Variants in PLXNA1 observed in about 807,000 individuals in gnomAD.
PLXNA1 encodes the protein plexin-A1.
PLXNA1 carries 77 observed loss-of-function variants against 191.7 expected under a neutral mutation model. The observed-to-expected ratio is 0.40, with a 90% CI of 0.33 to 0.49. The LOEUF is 0.49. Among genes scored for constraint, PLXNA1 ranks in the 20% least tolerant of loss-of-function variants. The pLI is 0.63. For missense variants in PLXNA1, 2,110 were observed against 2,660.2 expected (o/e 0.79, Z 4.55); for synonymous variants, 1,137 against 1,156.4 (o/e 0.98, Z 0.34).
Position 127,028,282 on chromosome 3 carries a change from C to T in PLXNA1, c.4611C>T (p.Asp1537=), listed in dbSNP as rs766277718. The change falls in exon 25 of 32, where the codon GAC becomes GAT. Residue 1537 remains aspartate, a synonymous_variant. Transcript: ENST00000393409. ...CCCAGGCCAAGGAGAAGCTGCTGGA[C>T]GCTGCCTACAAGGGCGTGCCCTACT... ...TVTQAKEKLL[D]AAYKGVPYSQ... is the part of the protein sequence containing the mutation. 18 of 1,612,818 alleles carry T rather than the reference C, an allele frequency of 1.1e-5. No homozygotes were observed. In the East Asian group the frequency reaches 2.9e-4, roughly 26 times the overall value.
intron 29 of PLXNA1, among the ~76,000 whole-genome samples, chr3:127,030,915 C>T (rs867578128): frequency 2.6e-5 from 4 of 152,166 alleles, no homozygotes; most frequent in African/African-American, 7.2e-5. Flanking sequence ...AGCTGGAGTA[C>T]GGAGCAGGGC....
In PLXNA1 at chr3:127,035,513, G is replaced by C. The variant is rs982703859; in HGVS notation, c.*1496G>C. 2 of 152,544 alleles carry C rather than the reference G, an allele frequency of 1.3e-5. No homozygotes were observed. The highest frequency in any genetic ancestry group is 2.9e-5 in the Non-Finnish European group (2 of 68,032). 9.4% of individuals were successfully genotyped at this position (152,544 alleles called of 1,614,324 possible). On this transcript the variant is annotated 3_prime_UTR_variant, in exon 32 of 32. Coordinates refer to ENST00000393409, the MANE Select transcript of PLXNA1 (RefSeq NM_032242.4). ...GCCTCTGGGGTGCCGCGGCACCACGGGGCATGCATGATTGTGCTAGCGTTT... is the reference window on the plus strand; with the variant it reads ...GCCTCTGGGGTGCCGCGGCACCACGCGGCATGCATGATTGTGCTAGCGTTT...
At chr3:127,022,498 A>G (rs1446691717) in intron 22 of PLXNA1, among the ~76,000 whole-genome samples, 157 bp downstream of exon 22, 3 of 152,106 alleles carry the variant, frequency 2.0e-5, no homozygotes, top group Admixed American at 6.5e-5. Context: ...CCACCTCCCT[A>G]GGTACTGATA....
chr3:126,996,167 G>A (rs945837769), intron 3 of PLXNA1, among the ~76,000 whole-genome samples: 3 of 152,164 alleles, frequency 2.0e-5, no homozygotes, highest in Admixed American at 1.3e-4. Flanking sequence ...CCTGAGCTTC[G>A]GGAATGGTGG....
In PLXNA1 at chr3:126,988,779, G is replaced by A. The variant is rs1576667274; in HGVS notation, c.186G>A (p.Glu62=). ...THLVVHEQTG[E]VYVGAVNRIY... ...TAGTGGTGCATGAGCAGACAGGCGA[G>A]GTGTATGTGGGCGCAGTGAACCGCA... is the stretch of plus-strand genomic sequence containing the variant. Residue 62 remains glutamate, a synonymous_variant, in exon 2 of 32, where the codon GAG becomes GAA. Transcript: ENST00000393409. 1 of 1,608,128 alleles carries A rather than the reference G, an allele frequency of 6.2e-7. No homozygotes were observed.
rs535990898 is a variant in PLXNA1, at chr3:127,016,598, C to T, written c.3096C>T (p.Arg1032=). The T allele has an allele frequency of 1.5e-5, 25 of 1,614,028 alleles. 1 individual carries two copies. The East Asian group carries it at 2.2e-4, about 14-fold the overall frequency. Residue 1032 remains arginine (R), a synonymous_variant, in exon 16 of 32, where the codon CGC becomes CGT. Coordinates refer to ENST00000393409, the MANE Select transcript of PLXNA1 (RefSeq NM_032242.4). ...CTCCCATCATCATCAACATCAACCG[C>T]GCCCAGCTCACCAACCCTGAGGTGA... is the stretch of plus-strand genomic sequence containing the variant. ...GSAPIIININ[R]AQLTNPEVKY...
intron 7 of PLXNA1, among the ~76,000 whole-genome samples, chr3:127,005,802 G>T (rs77845906): frequency 2.6e-5 from 4 of 152,058 alleles, no homozygotes; most frequent in African/African-American, 9.7e-5. Context: ...GCCACAGCCC[G>T]TTGGACAGTC....
In PLXNA1 at chr3:127,037,275, G is replaced by A. The variant is rs2079249147; in HGVS notation, c.*3258G>A. Reference sequence around the variant, plus strand: ...TTGCAGAAGCAGCACCGCTGACTGTGGGCCCGGCCCTCAGATGTGTACATA... The same window carrying A: ...TTGCAGAAGCAGCACCGCTGACTGTAGGCCCGGCCCTCAGATGTGTACATA... On this transcript the variant is annotated 3_prime_UTR_variant, in exon 32 of 32. Transcript: ENST00000393409. The A allele has an allele frequency of 6.6e-6, 1 of 152,654 alleles. No individual in the cohort carries two copies. The highest frequency in any genetic ancestry group is 1.5e-5 in the Non-Finnish European group (1 of 68,054). 9.5% of individuals were successfully genotyped at this position (152,654 alleles called of 1,614,324 possible).
chr3:126,986,756 G>A (rs971361151), intron 1 of PLXNA1, among the ~76,000 whole-genome samples: 1 of 152,188 alleles, frequency 6.6e-6, no homozygotes, highest in Admixed American at 6.5e-5. Flanking sequence ...TGAGCAGGGC[G>A]GGGAGTGGAG....
chr3:126,985,638 C>T (rs1040879298), intron 1 of PLXNA1, among the ~76,000 whole-genome samples: 11 of 152,220 alleles, frequency 7.2e-5, no homozygotes, highest in Admixed American at 5.9e-4. Flanking sequence ...CTCCTAGCCC[C>T]GGCATGGGCC....
intron 1 of PLXNA1, among the ~76,000 whole-genome samples, chr3:126,985,492 C>G (rs148805944): frequency 1.8e-3 from 268 of 151,982 alleles, no homozygotes; most frequent in African/African-American, 4.9e-3. Context: ...TCCTCCTGTT[C>G]TGCCCCCCAC....
At position 127,034,447 on chromosome 3, in the gene PLXNA1, C is replaced by T. The variant is rs2079229188; in HGVS notation, c.*430C>T. 6.3e-6 allele frequency: 1 copy of T among 157,798 alleles called. No individual in the cohort carries two copies. The highest frequency in any genetic ancestry group is 2.4e-5 in the African/African-American group (1 of 41,662). 9.8% of individuals were successfully genotyped at this position (157,798 alleles called of 1,614,324 possible). A position where few individuals can be genotyped will look rare whatever the true frequency, so the allele number is the denominator to read the frequency against. On this transcript the variant is annotated 3_prime_UTR_variant, in exon 32 of 32. Coordinates refer to ENST00000393409, the MANE Select transcript of PLXNA1 (RefSeq NM_032242.4). ...TGGGGGTGTCAGCATTCCCAGCTTT[C>T]CAAGCTGCCCCCAGGCGGCAGAGTC...
chr3:127,020,157 G>C (rs373010077), intron 20 of PLXNA1, 45 bp from the exon 21 acceptor site: 4 of 1,603,682 alleles, frequency 2.5e-6, no homozygotes, highest in Non-Finnish European at 2.6e-6. Context: ...GGCATGGAGC[G>C]GGGCCACCAG....
At chr3:126,986,757 G>C (rs972408138) in intron 1 of PLXNA1, among the ~76,000 whole-genome samples, 2 of 152,194 alleles carry the variant, frequency 1.3e-5, no homozygotes, top group Non-Finnish European at 2.9e-5. Flanking sequence ...GAGCAGGGCG[G>C]GGAGTGGAGA....
intron 3 of PLXNA1, 114 bp downstream of exon 3, chr3:126,991,680 C>T (rs1398171768): frequency 1.2e-5 from 14 of 1,146,610 alleles, no homozygotes; most frequent in African/African-American, 4.7e-5. Flanking sequence ...CTAGATCTGG[C>T]GTACAGGGGG....
intron 8 of PLXNA1, among the ~76,000 whole-genome samples, chr3:127,006,934 C>A (rs2079071223): frequency 6.6e-6 from 1 of 152,230 alleles, no homozygotes; most frequent in South Asian, 2.1e-4. Flanking sequence ...GGTTTGGCCT[C>A]AGAGACAGGA....
chr3:127,002,071 A>T (rs2079043504), intron 3 of PLXNA1, among the ~76,000 whole-genome samples: 2 of 152,192 alleles, frequency 1.3e-5, no homozygotes, highest in Non-Finnish European at 2.9e-5. Flanking sequence ...GTGTGGGTGC[A>T]GTCCAGGCCC....
chr3:127,029,967 A>G lies in PLXNA1; in HGVS notation c.4964A>G (p.His1655Arg), dbSNP rs771518144. 6.2e-7 allele frequency: 1 copy of G among 1,613,676 alleles called. No homozygotes were observed. The highest frequency in any genetic ancestry group is 1.7e-5 in the Admixed American group (1 of 60,024). The stretch of plus-strand genomic sequence containing the variant: ...CTGGAGAGCGGCACCAAGCTGTGGC[A>G]CCTGGTGAAGAACCACGACCACCTG... Reference protein sequence around the residue: ...PDLESGTKLWHLVKNHDHLDQ... With the variant: ...PDLESGTKLWRLVKNHDHLDQ... Residue 1655 changes from histidine (H) to arginine (R), a missense_variant, in exon 28 of 32, where the codon CAC becomes CGC. His to Arg is a conservative substitution (Grantham distance 29, BLOSUM62 0). Around this residue, in one of 4 missense-constraint regions of PLXNA1, gnomAD observed 559 missense variants for 911.5 expected, o/e 0.61. Coordinates refer to ENST00000393409, the MANE Select transcript of PLXNA1 (RefSeq NM_032242.4).
Position 127,012,087 on chromosome 3 carries a change from A to T in PLXNA1, c.2242A>T (p.Ile748Phe). 2 of 1,613,638 alleles carry T rather than the reference A, an allele frequency of 1.2e-6. No homozygotes were observed. Among genetic ancestry groups the T allele is most frequent in the Non-Finnish European group, 1.7e-6 (2 of 1,180,034 alleles). ...GQRGYECLFH[I>F]PGSPARVTAL... is the part of the protein sequence containing the mutation. ...GCGTGGATATGAGTGCCTCTTCCAC[A>T]TCCCGGGCAGCCCGGCCCGTGTCAC... The change falls in exon 10 of 32, where the codon ATC becomes TTC. Residue 748 changes from isoleucine to phenylalanine, a missense_variant. Ile to Phe is a conservative substitution (Grantham distance 21). Transcript: ENST00000393409.
Sources: gnomAD v4.1 joint callset for allele counts (sites outside exome capture counted in the v4.1 genomes callset) on GRCh38, gnomAD v4.1.1 for gene constraint, gnomAD v4.1.1 regional missense constraint, MANE v1.5 for transcripts, NCBI Gene and HGNC (gene_info 2026-07-23, HGNC 2026-07-21) for gene names.